Variants in TTC6 observed in about 807,000 individuals in gnomAD.
TTC6 encodes tetratricopeptide repeat domain 6, also known as tetratricopeptide repeat protein 6.
Under a neutral mutation model 210.4 loss-of-function variants are expected in TTC6, and 172 were observed. The ratio of observed to expected loss-of-function variants is 0.82; its 90% confidence interval spans 0.72 to 0.93. The LOEUF (loss-of-function observed/expected upper bound fraction) is 0.93. TTC6 is among the 40% of genes least tolerant of loss of function. The pLI is 0.00. For missense variants in TTC6, 2,414 were observed against 2,318.1 expected (o/e 1.04, Z -0.85); for synonymous variants, 804 against 819.6 (o/e 0.98, Z 0.32).
At chr14:37,789,711 ACT>A (rs2096075267) in intron 15 of TTC6, among the ~76,000 whole-genome samples, 1 of 150,574 alleles carries the variant, frequency 6.6e-6, no homozygotes, top group African/African-American at 2.4e-5. Context: ...GTGAAAGTAC[ACT>A]CTATGATCTT....
At chr14:37,597,596 G>A (rs534809543) in intron 1 of TTC6, among the ~76,000 whole-genome samples, 23 of 152,188 alleles carry the variant, frequency 1.5e-4, no homozygotes, top group African/African-American at 5.3e-4. Flanking sequence ...ATAGCGTGAT[G>A]GCCGAAGCGG....
intron 14 of TTC6, chr14:37,772,314 A>T (rs996954165): frequency 1.3e-5 from 2 of 154,158 alleles, no homozygotes; most frequent in Non-Finnish European, 2.9e-5. Flanking sequence ...GGCCTCCTTG[A>T]GCTGTGGTAG....
intron 12 of TTC6, among the ~76,000 whole-genome samples, chr14:37,750,677 A>G (rs1428237695): frequency 1.3e-5 from 2 of 152,116 alleles, no homozygotes; most frequent in Non-Finnish European, 2.9e-5. Context: ...ACATGAGCCT[A>G]GGAGTTTGAG....
chr14:37,753,201 T>G, exon 14 of TTC6: 1 of 1,534,670 alleles, frequency 6.5e-7, no homozygotes, highest in Non-Finnish European at 8.7e-7. Context: ...TTTTACAGCC[T>G]TGTTAAATAT....
At chr14:37,749,332 A>T in exon 11 of TTC6, 2 of 1,508,688 alleles carry the variant, frequency 1.3e-6, no homozygotes, top group Non-Finnish European at 8.8e-7. Flanking sequence ...CTGCATTTGC[A>T]TATTGTAGGC....
intron 26 of TTC6, among the ~76,000 whole-genome samples, chr14:37,822,707 G>A (rs1394243712): frequency 6.6e-6 from 1 of 152,152 alleles, no homozygotes; most frequent in Non-Finnish European, 1.5e-5. Flanking sequence ...CCAACCACAG[G>A]TATATAATAG....
In TTC6 at chr14:37,789,883, A is replaced by G. The variant is rs147736381; in HGVS notation, c.3437-834A>G. Among the ~76,000 whole-genome samples, 62 of 152,140 alleles carry G rather than the reference A, an allele frequency of 4.1e-4. No homozygotes were observed. The East Asian group carries it at 0.012, about 29-fold the overall frequency. ...AATATTTTTGTCCTAGACTGCAAACATTATGCATATTTTGACAAAACTTTG... is the reference window on the plus strand; with the variant it reads ...AATATTTTTGTCCTAGACTGCAAACGTTATGCATATTTTGACAAAACTTTG... On this transcript the variant is annotated intron_variant, in intron 15 of 30. Transcript: ENST00000553443.
At chr14:37,669,260 AC>A (rs2095753993) in intron 1 of TTC6, among the ~76,000 whole-genome samples, 1 of 152,094 alleles carries the variant, frequency 6.6e-6, no homozygotes, top group Admixed American at 6.6e-5. Flanking sequence ...GCTCATCACT[AC>A]CCCTTGGAAG....
intron 6 of TTC6, among the ~76,000 whole-genome samples, chr14:37,723,719 C>T (rs915465710): frequency 4.7e-5 from 7 of 148,008 alleles, no homozygotes; most frequent in African/African-American, 7.3e-5. Context: ...TTTATGTACA[C>T]ATTTCCAAAG....
At chr14:37,752,788 T>A (rs1483339651) in intron 13 of TTC6, among the ~76,000 whole-genome samples, 1 of 152,112 alleles carries the variant, frequency 6.6e-6, no homozygotes, top group East Asian at 1.9e-4. Flanking sequence ...ATAGATCCAA[T>A]GAACTCCACT....
chr14:37,670,954 G>C (rs1017470167), intron 1 of TTC6, among the ~76,000 whole-genome samples: 3 of 152,140 alleles, frequency 2.0e-5, no homozygotes, highest in African/African-American at 7.2e-5. Flanking sequence ...GAGTTTTAGA[G>C]CCTTTTTAAA....
At chr14:37,778,109 G>A (rs1269241459) in intron 14 of TTC6, among the ~76,000 whole-genome samples, 1 of 151,852 alleles carries the variant, frequency 6.6e-6, no homozygotes, top group Non-Finnish European at 1.5e-5. Context: ...GCCAGCAGCA[G>A]TGGCGGTACA....
intron 10 of TTC6, 128 bp from the exon 13 acceptor site, chr14:37,748,811 C>T (rs370180203): frequency 9.3e-5 from 61 of 656,728 alleles, no homozygotes; most frequent in South Asian, 3.2e-4. Context: ...GGAGAACTTG[C>T]GCATAAAATT....
intron 15 of TTC6, 34 bp downstream of exon 17, chr14:37,787,671 C>A: frequency 1.4e-6 from 2 of 1,388,898 alleles, no homozygotes; most frequent in East Asian, 2.5e-5. Context: ...ATATAGCAAC[C>A]CAATCTGAGA....
At chr14:37,796,765 A>T (rs375242282) in intron 19 of TTC6, 22 bp from the exon 22 acceptor site, 5 of 1,587,558 alleles carry the variant, frequency 3.1e-6, no homozygotes, top group Non-Finnish European at 3.4e-6. Context: ...AAAGATATTG[A>T]TAAACTTTCC....
intron 14 of TTC6, among the ~76,000 whole-genome samples, chr14:37,783,390 T>C (rs549506455): frequency 3.3e-5 from 5 of 152,314 alleles, no homozygotes; most frequent in African/African-American, 1.2e-4. Flanking sequence ...TTTATCCAAT[T>C]CTTCTAGATT....
exon 28 of TTC6, chr14:37,826,199 A>G (rs2096170920): frequency 1.1e-5 from 17 of 1,576,614 alleles, no homozygotes; most frequent in Non-Finnish European, 1.3e-5. Flanking sequence ...TTTTAGGCCC[A>G]AGGAAAATTC....
At chr14:37,840,164 A>G (rs1403852620) in intron 29 of TTC6, among the ~76,000 whole-genome samples, 1 of 152,204 alleles carries the variant, frequency 6.6e-6, no homozygotes, top group African/African-American at 2.4e-5. Context: ...GGATAACACC[A>G]CCAATCCCAC....
At position 37,817,434 on chromosome 14, in the gene TTC6, G is replaced by A. The variant is rs1566971855; in HGVS notation, c.4690-144G>A. On this transcript the variant is annotated intron_variant, in intron 25 of 30. Coordinates refer to ENST00000553443, the Ensembl canonical transcript of TTC6. The stretch of plus-strand genomic sequence containing the variant: ...AAAATATAAAGTTTTAGAAAGATGT[G>A]TATTTTAATGCTTGTGTCACATGTA... 7.6e-6 allele frequency: 5 copies of A among 657,670 alleles called. No homozygotes were observed. The East Asian group carries it at 1.1e-4, about 14-fold the overall frequency. 40.7% of individuals were successfully genotyped at this position (657,670 alleles called of 1,614,324 possible). A position where few individuals can be genotyped will look rare whatever the true frequency, so the allele number is the denominator to read the frequency against.
Sources: gnomAD v4.1 joint callset for allele counts (sites outside exome capture counted in the v4.1 genomes callset) on GRCh38, gnomAD v4.1.1 for gene constraint, MANE v1.5 for transcripts, NCBI Gene and HGNC (gene_info 2026-07-23, HGNC 2026-07-21) for gene names.